FIGN: variants seen among roughly 807,000 people sequenced by gnomAD.
FIGN encodes fidgetin, microtubule severing factor.
A neutral mutation model predicts 51.3 loss-of-function variants in FIGN; 11 were observed. The ratio of observed to expected loss-of-function variants is 0.21; its 90% CI spans 0.13 to 0.35. The LOEUF is 0.35. Ranked by LOEUF, FIGN falls within the 10% of genes least tolerant of loss-of-function variation. The probability of loss-of-function intolerance (pLI) is 1.00; values close to 1 mark genes in which losing one functional copy is unlikely to be tolerated. For missense variants in FIGN, 857 were observed against 943.6 expected (o/e 0.91, Z 1.20); for synonymous variants, 407 against 363.2 (o/e 1.12, Z -1.37).
chr2:163,696,118 C>G (rs946030150), intron 2 of FIGN, among the ~76,000 whole-genome samples: 12 of 151,322 alleles, frequency 7.9e-5, no homozygotes, highest in African/African-American at 2.9e-4. Context: ...CTCAAAAAAA[C>G]AAAACAAAAC....
intron 2 of FIGN, chr2:163,617,272 A>C (rs926555245): frequency 1.0e-6 from 1 of 977,652 alleles, no homozygotes; most frequent in African/African-American, 1.7e-5. Flanking sequence ...TTAGAGGACC[A>C]AAATTAGAAG....
rs10592741 is a variant in FIGN at position 163,612,749 on chromosome 2, CATATAT to C, written c.26-949_26-944del. On this transcript the variant is annotated intron_variant, in intron 2 of 2. Coordinates refer to ENST00000333129, the MANE Select transcript of FIGN (RefSeq NM_018086.4). Reference sequence around the variant, plus strand: ...ATACACATCCTGTCTTATACATCTTCATATATATATATATATATATTATATATGAGA... The same window carrying C: ...ATACACATCCTGTCTTATACATCTTCATATATATATATATTATATATGAGA... Among the ~76,000 whole-genome samples the C allele has an allele frequency of 3.6e-5, 5 of 139,226 alleles. No individual in the cohort carries two copies. In the East Asian group the frequency reaches 8.3e-4, roughly 23 times the overall value. The allele number at this position is 139,226 out of a possible 152,430, so 91.3% of individuals were successfully genotyped here.
intron 2 of FIGN, among the ~76,000 whole-genome samples, chr2:163,719,444 A>G: frequency 6.6e-6 from 1 of 152,188 alleles, no homozygotes; most frequent in South Asian, 2.1e-4. Context: ...ACTCAGCCCC[A>G]CAGCCCAACC....
intron 2 of FIGN, among the ~76,000 whole-genome samples, chr2:163,700,889 C>T (rs1279973171): frequency 8.5e-5 from 13 of 152,066 alleles, no homozygotes; most frequent in Non-Finnish European, 1.9e-4. Flanking sequence ...AAAACAGTGC[C>T]CTGTACTCTC....
intron 2 of FIGN, among the ~76,000 whole-genome samples, chr2:163,721,523 C>A (rs574418165): frequency 2.0e-5 from 3 of 152,218 alleles, no homozygotes; most frequent in African/African-American, 7.2e-5. Flanking sequence ...ATTATTCTAC[C>A]TTCAATGTAC....
intron 2 of FIGN, among the ~76,000 whole-genome samples, chr2:163,679,512 A>G (rs920360453): frequency 1.4e-4 from 20 of 142,222 alleles, no homozygotes; most frequent in African/African-American, 4.9e-4. Flanking sequence ...AAAAAAATGT[A>G]CACTATTTGA....
chr2:163,611,820 G>A lies in FIGN; in HGVS notation c.26-14C>T, dbSNP rs777777783. ...GCATCTTCAAGCCTAAGAATTTTGGGGGGAAAAGAGTTAATTTACTTAAAT... is the reference window on the plus strand; with the variant it reads ...GCATCTTCAAGCCTAAGAATTTTGGAGGGAAAAGAGTTAATTTACTTAAAT... On this transcript the variant is annotated splice_polypyrimidine_tract_variant and intron_variant, in intron 2 of 2. Coordinates refer to ENST00000333129, the MANE Select transcript of FIGN (RefSeq NM_018086.4). 1.3e-6 allele frequency: 2 copies of A among 1,582,164 alleles called. No individual in the cohort carries two copies. Among genetic ancestry groups the A allele is most frequent in the South Asian group, 1.1e-5 (1 of 88,696 alleles).
chr2:163,713,184 G>C (rs1204996575), intron 2 of FIGN, among the ~76,000 whole-genome samples: 3 of 152,122 alleles, frequency 2.0e-5, no homozygotes, highest in Non-Finnish European at 4.4e-5. Context: ...GCAAATCTCT[G>C]TTTTGTTCTT....
At chr2:163,657,385 T>C (rs1683577974) in intron 2 of FIGN, among the ~76,000 whole-genome samples, 1 of 152,102 alleles carries the variant, frequency 6.6e-6, no homozygotes, top group South Asian at 2.1e-4. Context: ...AACCTACGCA[T>C]TGATGAATTC....
At chr2:163,617,382 A>G (rs1382609245) in intron 2 of FIGN, 1 of 250,134 alleles carries the variant, frequency 4.0e-6, no homozygotes, top group East Asian at 1.8e-4. Flanking sequence ...GCTAAAAAGG[A>G]GGATCCATTT....
At chr2:163,617,029 G>A (rs936702478) in intron 2 of FIGN, 2 of 843,614 alleles carry the variant, frequency 2.4e-6, no homozygotes, top group Admixed American at 6.2e-5. Context: ...CAAATGAAAT[G>A]TTTGAGGAGA....
chr2:163,612,440 G>T, intron 2 of FIGN: 10 of 985,174 alleles, frequency 1.0e-5, no homozygotes, highest in Non-Finnish European at 1.1e-5. Flanking sequence ...ATCTAAAGTG[G>T]TCCACGACAG....
intron 2 of FIGN, among the ~76,000 whole-genome samples, chr2:163,625,541 C>G (rs1337305450): frequency 6.6e-6 from 1 of 151,858 alleles, no homozygotes; most frequent in Non-Finnish European, 1.5e-5. Context: ...GTTAGCTAGG[C>G]TTCTTATTGA....
chr2:163,622,311 G>A (rs193013927), intron 2 of FIGN, among the ~76,000 whole-genome samples: 11 of 151,910 alleles, frequency 7.2e-5, no homozygotes, highest in Admixed American at 4.6e-4. Context: ...CTCCAGCCTC[G>A]GCGACACGGT....
Position 163,660,879 on chromosome 2 carries a change from A to ATATTT in FIGN, c.26-49074_26-49073insAAATA, listed in dbSNP as rs1281747620. ...TATACATATATATATATATATATAT[A>ATATTT]TTTTTTTTTTTTTTTTTTTTTTTTT... On this transcript the variant is annotated intron_variant, in intron 2 of 2. Transcript: ENST00000333129. 4.6e-3 allele frequency among the ~76,000 whole-genome samples: 31 copies of ATATTT among 6,670 alleles called. 8 individuals are homozygous for ATATTT. The highest frequency in any genetic ancestry group is 0.015 in the African/African-American group (30 of 1,976). 4.4% of individuals were successfully genotyped at this position (6,670 alleles called of 152,430 possible).
intron 2 of FIGN, among the ~76,000 whole-genome samples, chr2:163,622,285 A>G (rs992510947): frequency 3.9e-5 from 6 of 152,076 alleles, no homozygotes; most frequent in African/African-American, 1.4e-4. Context: ...CAGTGAGTTG[A>G]GATCATGTCA....
intron 2 of FIGN, among the ~76,000 whole-genome samples, chr2:163,701,468 C>T (rs1684406043): frequency 2.0e-5 from 3 of 152,170 alleles, no homozygotes; most frequent in African/African-American, 7.2e-5. Flanking sequence ...ATGCCTGGTG[C>T]AACCAGAGGC....
At chr2:163,727,091 T>G (rs1353672113) in intron 2 of FIGN, among the ~76,000 whole-genome samples, 1 of 152,056 alleles carries the variant, frequency 6.6e-6, no homozygotes, top group African/African-American at 2.4e-5. Context: ...TTTACAATCT[T>G]CAATTTGAAA....
At chr2:163,654,686 C>T (rs964470664) in intron 2 of FIGN, among the ~76,000 whole-genome samples, 17 of 151,940 alleles carry the variant, frequency 1.1e-4, no homozygotes, top group African/African-American at 4.1e-4. Context: ...TTTTCATAGG[C>T]CAGATTTAAA....
Sources: allele counts gnomAD v4.1 joint callset (sites outside exome capture counted in the v4.1 genomes callset), GRCh38; gene constraint gnomAD v4.1.1; transcripts MANE v1.5; gene names NCBI Gene and HGNC (gene_info 2026-07-23, HGNC 2026-07-21).